The following UBE2E1 variants were observed in gnomAD, a reference collection of about 807,000 sequenced individuals.
UBE2E1 encodes the protein ubiquitin conjugating enzyme E2 E1.
Under a neutral mutation model 21.4 loss-of-function variants are expected in UBE2E1, and 6 were observed. The ratio of observed to expected loss-of-function variants is 0.28; its 90% CI spans 0.15 to 0.55. The LOEUF is 0.55. UBE2E1 is among the 20% of genes least tolerant of loss of function. The pLI, the probability that UBE2E1 is intolerant of heterozygous loss-of-function variation, is 0.93. For synonymous variants in UBE2E1, 87 were observed against 82.7 expected, an observed-to-expected ratio of 1.05 and a Z score of -0.28; for missense variants, 142 against 236.5, an observed-to-expected ratio of 0.60 and a Z score of 2.62.
At chr3:23,889,526 T>C in intron 5 of UBE2E1, 1 of 1,378,542 alleles carries the variant, frequency 7.3e-7, no homozygotes, top group Non-Finnish European at 9.3e-7. Flanking sequence ...TTATTCTTCC[T>C]CCTTTTTTTT....
chr3:23,817,140 T>G (rs1220988148), intron 3 of UBE2E1, among the ~76,000 whole-genome samples: 1 of 152,180 alleles, frequency 6.6e-6, no homozygotes, highest in Non-Finnish European at 1.5e-5. Flanking sequence ...TTTGAGGGCC[T>G]GTTATAAATG....
At chr3:23,854,201 T>C (rs1038396193) in intron 3 of UBE2E1, among the ~76,000 whole-genome samples, 2 of 136,984 alleles carry the variant, frequency 1.5e-5, no homozygotes, top group South Asian at 2.2e-4. Context: ...GAGGTTGCAG[T>C]GAGCCAAAAT....
At position 23,891,197 on chromosome 3, in the gene UBE2E1, T is replaced by TTAAC. The variant is rs373096452; in HGVS notation, c.*597_*600dup. 6 of 152,556 alleles carry TTAAC rather than the reference T, an allele frequency of 3.9e-5. No homozygotes were observed. The highest frequency in any genetic ancestry group is 3.4e-3 in the Middle Eastern group (1 of 294). 9.5% of individuals were successfully genotyped at this position (152,556 alleles called of 1,614,324 possible). The stretch of plus-strand genomic sequence containing the variant: ...ACCTGTAGTGAAATACCTTAAGCTG[T>TTAAC]TAACTAACTGTAAGGCGTGGAATAG... On this transcript the variant is annotated 3_prime_UTR_variant, in exon 6 of 6. Transcript: ENST00000306627.
chr3:23,840,786 T>C (rs1359120420), intron 3 of UBE2E1, among the ~76,000 whole-genome samples: 1 of 152,206 alleles, frequency 6.6e-6, no homozygotes, highest in Non-Finnish European at 1.5e-5. Flanking sequence ...GAGTTCTGTC[T>C]CTGTGCAGCT....
chr3:23,850,888 G>A lies in UBE2E1; in HGVS notation c.204-36679G>A, dbSNP rs533025819. On this transcript the variant is annotated intron_variant, in intron 3 of 5. Transcript: ENST00000306627. ...GAGACAGGGTTTTGCCGTGTTGCCCGTTGCCCAGATTGGTCTTGAATTCCT... is the reference window on the plus strand; with the variant it reads ...GAGACAGGGTTTTGCCGTGTTGCCCATTGCCCAGATTGGTCTTGAATTCCT... 2.7e-4 allele frequency among the ~76,000 whole-genome samples: 38 copies of A among 138,694 alleles called. No individual in the cohort carries two copies. In the South Asian group the frequency reaches 7.3e-3, roughly 27 times the overall value. The allele number at this position is 138,694 out of a possible 152,430, so 91.0% of individuals were successfully genotyped here. A position where few individuals can be genotyped will look rare whatever the true frequency, so the allele number is the denominator to read the frequency against.
rs374870815 is a variant in UBE2E1, at chr3:23,853,378, A to G, written c.204-34189A>G. Reference sequence around the variant, plus strand: ...CCTCAGAAATCATTTTCTTGTCACCATTAAGTATGGTGTTGGCTGTGGGTT... The same window carrying G: ...CCTCAGAAATCATTTTCTTGTCACCGTTAAGTATGGTGTTGGCTGTGGGTT... On this transcript the variant is annotated intron_variant, in intron 3 of 5. Transcript: ENST00000306627. The surrounding 1 kb of genome is among the most constrained non-coding windows in gnomAD (Gnocchi z 4.1). Among the ~76,000 whole-genome samples the G allele has an allele frequency of 1.3e-5, 2 of 152,344 alleles. No individual in the cohort carries two copies. Among genetic ancestry groups the G allele is most frequent in the African/African-American group, 2.4e-5 (1 of 41,572 alleles).
Position 23,836,796 on chromosome 3 carries a change from G to A in UBE2E1, c.203+25286G>A, listed in dbSNP as rs1421312268. Among the ~76,000 whole-genome samples, 3 of 152,160 alleles carry A rather than the reference G, an allele frequency of 2.0e-5. No individual in the cohort carries two copies. The highest frequency in any genetic ancestry group is 4.4e-5 in the Non-Finnish European group (3 of 68,030). On this transcript the variant is annotated intron_variant, in intron 3 of 5. Coordinates refer to ENST00000306627, the MANE Select transcript of UBE2E1 (RefSeq NM_003341.5). The surrounding 1 kb of genome is among the most constrained non-coding windows in gnomAD (Gnocchi z 4.1). ...ATGTGAAAGTAAATGACATATGACAGACAGAATCATGCCCAGGAATCTATT... is the reference window on the plus strand; with the variant it reads ...ATGTGAAAGTAAATGACATATGACAAACAGAATCATGCCCAGGAATCTATT...
chr3:23,812,537 T>C (rs1699418776), intron 3 of UBE2E1, among the ~76,000 whole-genome samples: 1 of 152,216 alleles, frequency 6.6e-6, no homozygotes, highest in Admixed American at 6.5e-5. Context: ...CTATTGCCGT[T>C]TTGGTTACAT....
At position 23,807,355 on chromosome 3, in the gene UBE2E1, C is replaced by A. The variant is rs776563677; in HGVS notation, c.86C>A (p.Pro29His). ...NQQTEKETNT[P>H]KKKESKVSMS... is the part of the protein sequence containing the mutation. Reference sequence around the variant, plus strand: ...CAAACCGAGAAAGAAACAAACACCCCCAAGAAGAAGGAGAGTAAAGTCAGC... The same window carrying A: ...CAAACCGAGAAAGAAACAAACACCCACAAGAAGAAGGAGAGTAAAGTCAGC... The change falls in exon 2 of 6, where the codon CCC (proline) becomes CAC (histidine). Residue 29 changes from proline to histidine, a missense_variant. Pro to His is a moderately conservative substitution (Grantham distance 77, BLOSUM62 -2). This residue lies in a region of UBE2E1 where 55 missense variants were observed against 51.5 expected (regional missense o/e 1.07). Transcript: ENST00000306627. 1 of 1,613,890 alleles carries A rather than the reference C, an allele frequency of 6.2e-7. No homozygotes were observed. The highest frequency in any genetic ancestry group is 1.7e-5 in the Admixed American group (1 of 59,982).
chr3:23,847,422 A>G (rs1700230945), intron 3 of UBE2E1, among the ~76,000 whole-genome samples: 1 of 152,126 alleles, frequency 6.6e-6, no homozygotes, highest in South Asian at 2.1e-4. Context: ...TTAAGGGTAG[A>G]AATACCCTGT....
Position 23,807,298 on chromosome 3 carries a change from C to G in UBE2E1, c.29C>G (p.Thr10Ser), listed in dbSNP as rs748610486. Reference sequence around the variant, plus strand: ...TCGGATGACGATTCGAGGGCCAGCACCAGCTCCTCCTCATCTTCGTCTTCC... The same window carrying G: ...TCGGATGACGATTCGAGGGCCAGCAGCAGCTCCTCCTCATCTTCGTCTTCC... MSDDDSRAS[T>S]SSSSSSSSNQ... The change falls in exon 2 of 6, where the codon ACC (threonine) becomes AGC (serine). Residue 10 changes from threonine (T) to serine (S), a missense_variant. Physicochemically the swap from Thr to Ser is moderately conservative, Grantham distance 58. Coordinates refer to ENST00000306627, the MANE Select transcript of UBE2E1 (RefSeq NM_003341.5). The G allele has an allele frequency of 1.2e-6, 2 of 1,613,818 alleles. No homozygotes were observed. Among genetic ancestry groups the G allele is most frequent in the Non-Finnish European group, 8.5e-7 (1 of 1,179,908 alleles).
At chr3:23,825,555 A>G (rs1039774500) in intron 3 of UBE2E1, among the ~76,000 whole-genome samples, 1 of 152,232 alleles carries the variant, frequency 6.6e-6, no homozygotes, top group Non-Finnish European at 1.5e-5. Context: ...AACAGTACCA[A>G]GAAATTAAAA....
intron 2 of UBE2E1, among the ~76,000 whole-genome samples, chr3:23,809,492 A>G (rs1259326279): frequency 2.6e-5 from 4 of 152,240 alleles, no homozygotes; most frequent in Non-Finnish European, 4.4e-5. Flanking sequence ...GGTAGAGGAA[A>G]GCCCCCATTG....
chr3:23,875,563 C>T (rs986883434), intron 3 of UBE2E1, among the ~76,000 whole-genome samples: 1 of 152,190 alleles, frequency 6.6e-6, no homozygotes, highest in Non-Finnish European at 1.5e-5. Context: ...GGAAGTTTAT[C>T]TACTTTATGC....
intron 3 of UBE2E1, among the ~76,000 whole-genome samples, chr3:23,854,358 T>C (rs887925104): frequency 6.6e-6 from 1 of 152,176 alleles, no homozygotes; most frequent in African/African-American, 2.4e-5. Flanking sequence ...GGAGGGATGT[T>C]TTTAAAGCTT....
intron 3 of UBE2E1, among the ~76,000 whole-genome samples, chr3:23,837,836 A>G (rs993796907): frequency 3.3e-5 from 5 of 152,220 alleles, no homozygotes; most frequent in Admixed American, 1.3e-4. Context: ...CAAACTTTCA[A>G]TAGAAGGTAG....
At chr3:23,865,804 T>C (rs1412917218) in intron 3 of UBE2E1, among the ~76,000 whole-genome samples, 2 of 152,254 alleles carry the variant, frequency 1.3e-5, no homozygotes, top group African/African-American at 4.8e-5. Context: ...CAAGCCAGTT[T>C]CGTGCCTGAC....
chr3:23,838,643 T>C (rs1700021474), intron 3 of UBE2E1, among the ~76,000 whole-genome samples: 2 of 151,976 alleles, frequency 1.3e-5, no homozygotes, highest in Admixed American at 6.6e-5. Context: ...ATTACAGGCA[T>C]GCACCAGCAC....
At chr3:23,827,185 T>C (rs1699776258) in intron 3 of UBE2E1, among the ~76,000 whole-genome samples, 1 of 151,716 alleles carries the variant, frequency 6.6e-6, no homozygotes, top group Non-Finnish European at 1.5e-5. Context: ...ATAAAAAAAA[T>C]CAAAATACAA....
Sources: allele counts gnomAD v4.1 joint callset (sites outside exome capture counted in the v4.1 genomes callset), GRCh38; gene constraint gnomAD v4.1.1; regional missense constraint gnomAD v4.1.1; non-coding constraint Gnocchi (gnomAD v3.1); transcripts MANE v1.5; gene names NCBI Gene and HGNC (gene_info 2026-07-23, HGNC 2026-07-21).